TLN2: variants seen among roughly 807,000 people sequenced by gnomAD.
TLN2 encodes talin 2.
Under a neutral mutation model 294.7 loss-of-function variants are expected in TLN2, and 118 were observed. The observed-to-expected ratio is 0.40, with a 90% confidence interval of 0.34 to 0.47. The LOEUF (loss-of-function observed/expected upper bound fraction) is 0.47. TLN2 is among the 20% of genes least tolerant of loss of function. The pLI, the probability that TLN2 is intolerant of heterozygous loss-of-function variation, is 0.84. For missense variants in TLN2, 3,083 were observed against 3,282.2 expected, an observed-to-expected ratio of 0.94 and a Z score of 1.48; for synonymous variants, 1,431 against 1,304.5, an observed-to-expected ratio of 1.10 and a Z score of -2.09.
intron 1 of TLN2, among the ~76,000 whole-genome samples, chr15:62,460,371 TCTC>T (rs1457998602): frequency 1.3e-5 from 2 of 151,980 alleles, no homozygotes; most frequent in East Asian, 3.9e-4. Flanking sequence ...TTCAAGCAAT[TCTC>T]CTGCCTCAGC....
intron 1 of TLN2, among the ~76,000 whole-genome samples, chr15:62,562,970 A>ACC (rs2043101025): frequency 2.3e-5 from 3 of 130,378 alleles, no homozygotes; most frequent in East Asian, 2.3e-4. Context: ...ACACACACAC[A>ACC]CCAGTTTCTT....
chr15:62,476,820 G>T (rs1288655617), intron 1 of TLN2, among the ~76,000 whole-genome samples: 1 of 152,110 alleles, frequency 6.6e-6, no homozygotes. Context: ...ACATCCTCTT[G>T]CCTGGCATGT....
intron 11 of TLN2, among the ~76,000 whole-genome samples, chr15:62,681,722 G>A (rs749124473): frequency 5.9e-5 from 9 of 152,080 alleles, no homozygotes; most frequent in Admixed American, 2.0e-4. Flanking sequence ...CTCTAATGAC[G>A]AGTAAGCGAG....
rs1406696262 is a variant in TLN2, at chr15:62,717,629, G to T, written c.2817G>T (p.Gln939His). 3 of 1,605,408 alleles carry T rather than the reference G, an allele frequency of 1.9e-6. No homozygotes were observed. Among genetic ancestry groups the T allele is most frequent in the African/African-American group, 2.7e-5 (2 of 74,768 alleles). ...CCACACAGACCATCGCCGCCTCCCAGAATGCAGCTGTTTCCAACAAGAACC... is the reference window on the plus strand; with the variant it reads ...CCACACAGACCATCGCCGCCTCCCATAATGCAGCTGTTTCCAACAAGAACC... ...AAATQTIAAS[Q>H]NAAVSNKNPA... The change falls in exon 24 of 59, where the codon CAG becomes CAT. Residue 939 changes from glutamine to histidine, a missense_variant. Coordinates refer to ENST00000636159, the MANE Select transcript of TLN2 (RefSeq NM_015059.3).
chr15:62,590,685 T>G (rs1408051648), intron 2 of TLN2, among the ~76,000 whole-genome samples: 1 of 152,208 alleles, frequency 6.6e-6, no homozygotes, highest in Non-Finnish European at 1.5e-5. Context: ...ATTATTGTTT[T>G]CCAGTTTTGG....
chr15:62,440,552 G>A (rs1267847365), intron 1 of TLN2, among the ~76,000 whole-genome samples: 1 of 152,198 alleles, frequency 6.6e-6, no homozygotes, highest in African/African-American at 2.4e-5. Flanking sequence ...AAACGTCAGG[G>A]AGGACGGTGC....
At chr15:62,499,104 C>T (rs949664341) in intron 1 of TLN2, among the ~76,000 whole-genome samples, 3 of 151,770 alleles carry the variant, frequency 2.0e-5, no homozygotes, top group Admixed American at 6.6e-5. Flanking sequence ...TTTTCTAGGC[C>T]ATGTTTATAT....
intron 11 of TLN2, 37 bp downstream of exon 11, chr15:62,675,358 C>T (rs777924383): frequency 3.8e-6 from 6 of 1,595,212 alleles, no homozygotes; most frequent in Non-Finnish European, 5.2e-6. Flanking sequence ...TTCACCTTGG[C>T]CCCTTCTTTT....
At chr15:62,487,639 C>T (rs899035876) in intron 1 of TLN2, among the ~76,000 whole-genome samples, 8 of 151,496 alleles carry the variant, frequency 5.3e-5, no homozygotes, top group Admixed American at 1.3e-4. Flanking sequence ...TCAAGACCAG[C>T]CTGGGCCACA....
At chr15:62,619,814 C>G (rs139607930) in intron 3 of TLN2, among the ~76,000 whole-genome samples, 1 of 152,196 alleles carries the variant, frequency 6.6e-6, no homozygotes, top group Non-Finnish European at 1.5e-5. Context: ...CTTCTGGCAT[C>G]TGTAGCTACG....
intron 1 of TLN2, among the ~76,000 whole-genome samples, chr15:62,419,676 C>G (rs2034279344): frequency 6.6e-6 from 1 of 151,498 alleles, no homozygotes. Context: ...TGGGGACAGT[C>G]TTCCTCTGTC....
At chr15:62,526,244 C>T (rs2040733964) in intron 1 of TLN2, among the ~76,000 whole-genome samples, 2 of 152,128 alleles carry the variant, frequency 1.3e-5, no homozygotes, top group Admixed American at 6.5e-5. Flanking sequence ...ATTCTCCTGC[C>T]TCAGCCTCCT....
intron 1 of TLN2, among the ~76,000 whole-genome samples, chr15:62,493,413 C>T (rs946345763): frequency 6.6e-6 from 1 of 152,160 alleles, no homozygotes; most frequent in Non-Finnish European, 1.5e-5. Context: ...TAACAACATA[C>T]ATGCCTGGCT....
At chr15:62,696,272 G>A (rs116210719) in intron 14 of TLN2, among the ~76,000 whole-genome samples, 3,954 of 152,264 alleles carry the variant, frequency 0.026, 173 homozygotes, top group African/African-American at 0.09. Flanking sequence ...CCTTCCTTCC[G>A]CCTCACAACA....
intron 12 of TLN2, 71 bp downstream of exon 12, chr15:62,686,867 C>T (rs1205059137): frequency 8.3e-6 from 13 of 1,567,630 alleles, no homozygotes; most frequent in East Asian, 2.3e-5. Context: ...AGGAGAAAGA[C>T]CAGATTCTTG....
rs578006884 is a variant in TLN2 at position 62,718,044 on chromosome 15, C to T, written c.2877+355C>T. 1.2e-4 allele frequency among the ~76,000 whole-genome samples: 18 copies of T among 152,306 alleles called. No individual in the cohort carries two copies. The South Asian group carries it at 2.1e-3, about 18-fold the overall frequency. On this transcript the variant is annotated intron_variant, in intron 24 of 58. Coordinates refer to ENST00000636159, the MANE Select transcript of TLN2 (RefSeq NM_015059.3). ...AGAGGCAGGACTTCAAATTCAGCCT[C>T]GCTCCCTGGAGCAGGGTTCATTTCC...
chr15:62,801,031 T>C (rs1350465416), intron 50 of TLN2, among the ~76,000 whole-genome samples: 3 of 152,204 alleles, frequency 2.0e-5, no homozygotes, highest in African/African-American at 7.2e-5. Context: ...ACTAAAATTA[T>C]AGCACGAGAT....
At chr15:62,669,232 A>G (rs934449344) in intron 9 of TLN2, among the ~76,000 whole-genome samples, 5 of 152,200 alleles carry the variant, frequency 3.3e-5, no homozygotes, top group South Asian at 2.1e-4. Flanking sequence ...CTCAATTTTT[A>G]TACTATTTCA....
At position 62,825,852 on chromosome 15, in the gene TLN2, T is replaced by TAA. The variant is rs1567688247; in HGVS notation, c.7002+5242_7002+5243insAA. 1.5e-3 allele frequency among the ~76,000 whole-genome samples: 131 copies of TAA among 89,206 alleles called. 1 individual carries two copies. The highest frequency in any genetic ancestry group is 2.1e-3 in the Non-Finnish European group (110 of 51,674). The allele number at this position is 89,206 out of a possible 152,430, so 58.5% of individuals were successfully genotyped here. On this transcript the variant is annotated intron_variant, in intron 54 of 58. Coordinates refer to ENST00000636159, the MANE Select transcript of TLN2 (RefSeq NM_015059.3). ...ATAATATATAATATATATAAATATA[T>TAA]TATATATATATATATTTATATATAT...
Sources: gnomAD v4.1 joint callset for allele counts (sites outside exome capture counted in the v4.1 genomes callset) on GRCh38, gnomAD v4.1.1 for gene constraint, MANE v1.5 for transcripts, NCBI Gene and HGNC (gene_info 2026-07-23, HGNC 2026-07-21) for gene names.